MAP4K3: variants seen among roughly 807,000 people sequenced by gnomAD.
The protein encoded by MAP4K3 is MAPK/ERK kinase kinase kinase 3.
In MAP4K3, 94 loss-of-function variants were observed where a neutral mutation model predicts 143.5. The observed-to-expected ratio is 0.65, with a 90% CI of 0.55 to 0.78. MAP4K3 has a LOEUF of 0.78. MAP4K3 is among the 30% of genes least tolerant of loss of function. The pLI is 0.00. For synonymous variants in MAP4K3, 416 were observed against 347.2 expected (o/e 1.20, Z -2.20); for missense variants, 1,077 against 1,068.1 (o/e 1.01, Z -0.12).
chr2:39,398,336 CTGATA>C (rs1332681255), intron 1 of MAP4K3, among the ~76,000 whole-genome samples: 1 of 151,736 alleles, frequency 6.6e-6, no homozygotes, highest in East Asian at 1.9e-4. Flanking sequence ...TATATACTGA[CTGATA>C]TAACGAGAGA....
chr2:39,271,045 G>A (rs1680997858), intron 26 of MAP4K3, among the ~76,000 whole-genome samples: 1 of 152,006 alleles, frequency 6.6e-6, no homozygotes, highest in Non-Finnish European at 1.5e-5. Context: ...AACACATGGG[G>A]AAAGGTTGTA....
At chr2:39,355,879 A>G (rs2148552508) in intron 3 of MAP4K3, among the ~76,000 whole-genome samples, 1 of 152,310 alleles carries the variant, frequency 6.6e-6, no homozygotes, top group South Asian at 2.1e-4. Context: ...CACAAAATTA[A>G]AAAAAAGTTT....
intron 12 of MAP4K3, among the ~76,000 whole-genome samples, chr2:39,322,618 A>T (rs7567187): frequency 1.4e-5 from 2 of 145,484 alleles, no homozygotes; most frequent in African/African-American, 2.5e-5. Context: ...GTGTGTGTGT[A>T]TATATGTATA....
chr2:39,369,569 T>G (rs1470108629), intron 2 of MAP4K3, among the ~76,000 whole-genome samples: 1 of 152,230 alleles, frequency 6.6e-6, no homozygotes, highest in Non-Finnish European at 1.5e-5. Flanking sequence ...CAAACAGGCC[T>G]AGTACTTTCA....
chr2:39,424,806 G>A (rs1665012784), intron 1 of MAP4K3, among the ~76,000 whole-genome samples: 1 of 142,914 alleles, frequency 7.0e-6, no homozygotes, highest in Non-Finnish European at 1.5e-5. Flanking sequence ...ACACCAGCCT[G>A]GGTGACAGAG....
intron 1 of MAP4K3, among the ~76,000 whole-genome samples, chr2:39,429,771 AG>A: frequency 6.6e-6 from 1 of 152,346 alleles, no homozygotes; most frequent in African/African-American, 2.4e-5. Context: ...CATTTTGAAA[AG>A]GTAGAACAGA....
At chr2:39,264,157 T>C (rs1417367786) in intron 28 of MAP4K3, among the ~76,000 whole-genome samples, 2 of 152,198 alleles carry the variant, frequency 1.3e-5, no homozygotes, top group Non-Finnish European at 2.9e-5. Context: ...CCATTCCATC[T>C]TGGATAGAGC....
At chr2:39,328,862 A>C (rs1349103009) in intron 8 of MAP4K3, among the ~76,000 whole-genome samples, 1 of 152,210 alleles carries the variant, frequency 6.6e-6, no homozygotes, top group African/African-American at 2.4e-5. Flanking sequence ...ATAAATGTAC[A>C]TATATGTCTT....
At chr2:39,296,263 G>A (rs1311465997) in intron 16 of MAP4K3, among the ~76,000 whole-genome samples, 1 of 152,152 alleles carries the variant, frequency 6.6e-6, no homozygotes, top group Non-Finnish European at 1.5e-5. Flanking sequence ...TTATAAAAGA[G>A]AAAATGAAAT....
intron 1 of MAP4K3, among the ~76,000 whole-genome samples, chr2:39,382,889 T>A (rs1009689432): frequency 1.3e-5 from 2 of 152,158 alleles, no homozygotes; most frequent in African/African-American, 4.8e-5. Context: ...GATGTTACCA[T>A]TTATGCAGAG....
At chr2:39,354,982 C>T (rs962882735) in intron 3 of MAP4K3, among the ~76,000 whole-genome samples, 15 of 152,078 alleles carry the variant, frequency 9.9e-5, no homozygotes, top group African/African-American at 3.6e-4. Context: ...GGATGACTCA[C>T]ACCTGTAATT....
At chr2:39,276,774 C>T (rs1305691800) in intron 24 of MAP4K3, among the ~76,000 whole-genome samples, 2 of 152,196 alleles carry the variant, frequency 1.3e-5, no homozygotes, top group African/African-American at 2.4e-5. Flanking sequence ...GTTCCTGACT[C>T]GTGGGTACTA....
intron 2 of MAP4K3, among the ~76,000 whole-genome samples, chr2:39,377,081 T>C (rs1666238610): frequency 6.6e-6 from 1 of 151,970 alleles, no homozygotes; most frequent in Non-Finnish European, 1.5e-5. Context: ...CATTTTAATA[T>C]CACTTCTAAA....
intron 26 of MAP4K3, among the ~76,000 whole-genome samples, chr2:39,271,124 C>T (rs984108621): frequency 6.6e-6 from 1 of 152,034 alleles, no homozygotes; most frequent in African/African-American, 2.4e-5. Flanking sequence ...TACTTGAATT[C>T]CAAAGCTTAT....
chr2:39,306,060 C>A (rs1443642484), intron 15 of MAP4K3, among the ~76,000 whole-genome samples: 1 of 152,170 alleles, frequency 6.6e-6, no homozygotes, highest in Admixed American at 6.5e-5. Context: ...GATCTCCTGA[C>A]CTCATGATCT....
chr2:39,418,591 AGGTGATCAAAGTTAACATTGCC>A (rs1018716071), intron 1 of MAP4K3, among the ~76,000 whole-genome samples: 6 of 152,210 alleles, frequency 3.9e-5, no homozygotes, highest in South Asian at 2.1e-4. Context: ...CTAAAAAGCC[AGGTGATCAAAGTTAACATTGCC>A]GGTGATCAAA....
intron 1 of MAP4K3, among the ~76,000 whole-genome samples, chr2:39,419,543 A>G (rs1300438509): frequency 6.6e-6 from 1 of 152,200 alleles, no homozygotes; most frequent in Non-Finnish European, 1.5e-5. Context: ...CCCAGTAATT[A>G]ACAGAAACCT....
At chr2:39,256,666 T>C (rs888892478) in intron 31 of MAP4K3, among the ~76,000 whole-genome samples, 2 of 152,226 alleles carry the variant, frequency 1.3e-5, no homozygotes, top group Non-Finnish European at 2.9e-5. Context: ...TTTCATAAGA[T>C]TATAATTTTT....
At chr2:39,360,728 G>A (rs1665745341) in intron 2 of MAP4K3, among the ~76,000 whole-genome samples, 1 of 152,134 alleles carries the variant, frequency 6.6e-6, no homozygotes, top group African/African-American at 2.4e-5. Flanking sequence ...TCACATGGTG[G>A]CAGGTGGAAG....
Sources: allele counts gnomAD v4.1 joint callset (sites outside exome capture counted in the v4.1 genomes callset), GRCh38; gene constraint gnomAD v4.1.1; transcripts MANE v1.5; gene names NCBI Gene and HGNC (gene_info 2026-07-23, HGNC 2026-07-21).